Variants in PRRC2C observed in about 807,000 individuals in gnomAD.
The protein encoded by PRRC2C is protein PRRC2C.
In PRRC2C, 72 loss-of-function variants were observed where a neutral mutation model predicts 317.2. The observed-to-expected ratio is 0.23, with a 90% CI of 0.19 to 0.28. The LOEUF (loss-of-function observed/expected upper bound fraction) is 0.28, where lower values mean the gene tolerates loss of function less well. PRRC2C is among the 10% of genes least tolerant of loss of function. The pLI is 1.00. For missense variants in PRRC2C, 3,074 were observed against 3,459.7 expected (o/e 0.89, Z 2.80); for synonymous variants, 1,296 against 1,205.9 (o/e 1.07, Z -1.55).
chr1:171,538,250 T>C (rs1196770253), intron 15 of PRRC2C, among the ~76,000 whole-genome samples: 1 of 152,156 alleles, frequency 6.6e-6, no homozygotes, highest in Non-Finnish European at 1.5e-5. Flanking sequence ...GCTGGGATTA[T>C]AGACGTGAGC....
In PRRC2C at chr1:171,485,737, T is replaced by TA. The variant is rs1018005809; in HGVS notation, c.-58+4dup. The stretch of plus-strand genomic sequence containing the variant: ...CAAACTTGACACTCACCCTGACCGG[T>TA]AAGGAAAGCGAGGGTGTGGGGGCCG... On this transcript the variant is annotated splice_region_variant and intron_variant, in intron 1 of 34. Coordinates refer to ENST00000647382, the MANE Select transcript of PRRC2C (RefSeq NM_001387844.1). 6.6e-6 allele frequency: 1 copy of TA among 151,808 alleles called. No homozygotes were observed. Among genetic ancestry groups the TA allele is most frequent in the Admixed American group, 6.6e-5 (1 of 15,260 alleles). 9.4% of individuals were successfully genotyped at this position (151,808 alleles called of 1,614,324 possible).
chr1:171,563,502 G>A (rs1297953137), intron 20 of PRRC2C, among the ~76,000 whole-genome samples: 5 of 152,094 alleles, frequency 3.3e-5, no homozygotes, highest in Admixed American at 2.0e-4. Flanking sequence ...AATAAGGAGA[G>A]CCAACTGTAT....
intron 1 of PRRC2C, among the ~76,000 whole-genome samples, chr1:171,498,670 ATC>A (rs1287413466): frequency 1.3e-5 from 2 of 152,150 alleles, no homozygotes; most frequent in Non-Finnish European, 2.9e-5. Flanking sequence ...TGCAACTCTA[ATC>A]TCTGATTCAG....
intron 30 of PRRC2C, among the ~76,000 whole-genome samples, chr1:171,586,529 T>G (rs1185069528): frequency 1.3e-5 from 2 of 150,518 alleles, no homozygotes; most frequent in East Asian, 3.9e-4. Flanking sequence ...TATTAGTAGA[T>G]GGATGTGTTC....
intron 18 of PRRC2C, among the ~76,000 whole-genome samples, chr1:171,552,302 A>C (rs938655973): frequency 1.3e-5 from 2 of 152,136 alleles, no homozygotes; most frequent in East Asian, 1.9e-4. Flanking sequence ...TGATTTTTGC[A>C]CATTGATTTT....
chr1:171,485,566 C>G lies in PRRC2C; in HGVS notation c.-227C>G, dbSNP rs536776626. On this transcript the variant is annotated 5_prime_UTR_variant, in exon 1 of 35. Transcript: ENST00000647382. ...TCTTTTTCTCGCTCGCTCGCTCCCC[C>G]TCGGAAAGCTGCGAAAGTGCTTTGG... 1.3e-5 allele frequency: 2 copies of G among 152,732 alleles called. No individual in the cohort carries two copies. Among genetic ancestry groups the G allele is most frequent in the Non-Finnish European group, 2.9e-5 (2 of 68,094 alleles). 9.5% of individuals were successfully genotyped at this position (152,732 alleles called of 1,614,324 possible).
intron 1 of PRRC2C, among the ~76,000 whole-genome samples, chr1:171,505,517 GA>G (rs1308611483): frequency 6.6e-6 from 1 of 151,986 alleles, no homozygotes; most frequent in Non-Finnish European, 1.5e-5. Context: ...AACTATTACA[GA>G]CAATTTTACT....
chr1:171,517,834 C>T lies in PRRC2C; in HGVS notation c.750+20C>T. 1 of 1,592,538 alleles carries T rather than the reference C, an allele frequency of 6.3e-7. No homozygotes were observed. Among genetic ancestry groups the T allele is most frequent in the Non-Finnish European group, 8.6e-7 (1 of 1,164,860 alleles). On this transcript the variant is annotated intron_variant, in intron 6 of 34. Coordinates refer to ENST00000647382, the MANE Select transcript of PRRC2C (RefSeq NM_001387844.1). The stretch of plus-strand genomic sequence containing the variant: ...CCTTATGTGAGTATTGTTAAATGAA[C>T]AAGCATTCAAACAAGTGGTTTTTGA...
In PRRC2C at chr1:171,541,060, A is replaced by G. The variant is rs745430031; in HGVS notation, c.3594A>G (p.Arg1198=). 1.2e-5 allele frequency: 19 copies of G among 1,613,136 alleles called. No homozygotes were observed. Among genetic ancestry groups the G allele is most frequent in the Admixed American group, 3.3e-5 (2 of 59,788 alleles). The change falls in exon 16 of 35, where the codon AGA becomes AGG. Residue 1198 remains arginine (R), a synonymous_variant. Coordinates refer to ENST00000647382, the MANE Select transcript of PRRC2C (RefSeq NM_001387844.1). The surrounding 1 kb of genome is among the most constrained non-coding windows in gnomAD (Gnocchi z 4.1). ...GAGGCCGAGGTGAATATTACTCCAG[A>G]GGTCGAAGCTATAGAGGTTCTTATG... ...RGRGRGEYYS[R]GRSYRGSYGG... is the part of the protein sequence containing the mutation.
In PRRC2C at chr1:171,492,518, T is replaced by A. The variant is rs191649046; in HGVS notation, c.-58+6783T>A. On this transcript the variant is annotated intron_variant, in intron 1 of 34. Transcript: ENST00000647382. ...AGGGTAGCGCACTGTGTTCTACATA[T>A]GGACTGAGTGTCTGCACTAAATTCA... Among the ~76,000 whole-genome samples, 31 of 152,136 alleles carry A rather than the reference T, an allele frequency of 2.0e-4. No homozygotes were observed. In the East Asian group the frequency reaches 6.0e-3, roughly 29 times the overall value.
At chr1:171,586,032 C>T (rs917132202) in intron 30 of PRRC2C, among the ~76,000 whole-genome samples, 1 of 146,818 alleles carries the variant, frequency 6.8e-6, no homozygotes, top group Non-Finnish European at 1.5e-5. Context: ...GACCTCACTT[C>T]GACTGATCCG....
In PRRC2C at chr1:171,514,618, A is replaced by C; in HGVS notation, c.373A>C (p.Ser125Arg). ...AGCACCTGCTCCCAAATCATGGGCC[A>C]GTAACAAGCAAGGTGGGCAAGGAGA... ...EVAPAPKSWA[S>R]NKQGGQGDGI... Residue 125 changes from serine to arginine, a missense_variant, in exon 4 of 35, where the codon AGT becomes CGT. Physicochemically the swap from Ser to Arg is moderately radical, Grantham distance 110. Transcript: ENST00000647382. The C allele has an allele frequency of 1.3e-6, 2 of 1,558,440 alleles. No homozygotes were observed. Among genetic ancestry groups the C allele is most frequent in the Non-Finnish European group, 1.7e-6 (2 of 1,151,120 alleles).
intron 17 of PRRC2C, among the ~76,000 whole-genome samples, chr1:171,548,825 G>A (rs1432890442): frequency 6.6e-6 from 1 of 152,232 alleles, no homozygotes; most frequent in Admixed American, 6.5e-5. Flanking sequence ...TTCACACACA[G>A]CTTACACATT....
At chr1:171,577,762 T>C (rs1436983157) in intron 26 of PRRC2C, 125 bp downstream of exon 26, 12 of 669,508 alleles carry the variant, frequency 1.8e-5, no homozygotes, top group South Asian at 7.1e-5. Flanking sequence ...TGTAAATATT[T>C]AAATTCGCAT....
intron 32 of PRRC2C, 85 bp downstream of exon 32, chr1:171,587,836 C>T (rs868062710): frequency 2.5e-6 from 2 of 797,314 alleles, no homozygotes; most frequent in Non-Finnish European, 4.0e-6. Flanking sequence ...TGACATAATC[C>T]CTTTTCCAAG....
At position 171,550,245 on chromosome 1, in the gene PRRC2C, A is replaced by C; in HGVS notation, c.5127+5A>C. On this transcript the variant is annotated splice_donor_5th_base_variant and intron_variant, in intron 18 of 34. Transcript: ENST00000647382. ...AAGGAAGAACAAGTCATACAGGTTTAAATCTTGTTTCAACTTGTTGCTAGT... is the reference window on the plus strand; with the variant it reads ...AAGGAAGAACAAGTCATACAGGTTTCAATCTTGTTTCAACTTGTTGCTAGT... The C allele has an allele frequency of 6.4e-7, 1 of 1,572,828 alleles. No individual in the cohort carries two copies. The highest frequency in any genetic ancestry group is 8.6e-7 in the Non-Finnish European group (1 of 1,159,096).
At chr1:171,571,279 A>T in intron 23 of PRRC2C, 41 bp from the exon 24 acceptor site, 1 of 1,201,766 alleles carries the variant, frequency 8.3e-7, no homozygotes, top group Non-Finnish European at 1.2e-6. Context: ...TTCGTAGTAG[A>T]CACATAGTTA....
intron 19 of PRRC2C, among the ~76,000 whole-genome samples, chr1:171,560,098 G>A (rs907830541): frequency 2.0e-5 from 3 of 152,168 alleles, no homozygotes; most frequent in Non-Finnish European, 4.4e-5. Context: ...TCTTCTGATG[G>A]ATCTGGGCAA....
intron 3 of PRRC2C, 96 bp downstream of exon 3, chr1:171,513,268 G>GTATTACA: frequency 1.6e-6 from 2 of 1,236,866 alleles, no homozygotes; most frequent in Admixed American, 4.8e-5. Context: ...TATGCTGTCT[G>GTATTACA]TATTACATAT....
Sources: gnomAD v4.1 joint callset for allele counts (sites outside exome capture counted in the v4.1 genomes callset) on GRCh38, gnomAD v4.1.1 for gene constraint, Gnocchi (gnomAD v3.1) non-coding constraint, MANE v1.5 for transcripts, NCBI Gene and HGNC (gene_info 2026-07-23, HGNC 2026-07-21) for gene names.